NEK10: variants seen among roughly 807,000 people sequenced by gnomAD.
NEK10 encodes NIMA related kinase 10.
Under a neutral mutation model 159.8 loss-of-function variants are expected in NEK10, and 122 were observed. The observed-to-expected ratio is 0.76, with a 90% CI of 0.66 to 0.89. NEK10 has a LOEUF of 0.89. Ranked by LOEUF, NEK10 falls within the 40% of genes least tolerant of loss-of-function variation. NEK10 has a pLI of 0.00. For synonymous variants in NEK10, 466 were observed against 457.1 expected (o/e 1.02, Z -0.25); for missense variants, 1,342 against 1,323.1 (o/e 1.01, Z -0.22).
chr3:27,254,628 CG>C (rs36116267), intron 23 of NEK10, among the ~76,000 whole-genome samples: 6 of 151,826 alleles, frequency 4.0e-5, no homozygotes, highest in Non-Finnish European at 7.4e-5. Flanking sequence ...TCTAATAACT[CG>C]GAGAGATGAG....
chr3:27,116,637 A>C (rs1940482315), intron 33 of NEK10, among the ~76,000 whole-genome samples: 1 of 152,008 alleles, frequency 6.6e-6, no homozygotes, highest in African/African-American at 2.4e-5. Context: ...AAGACTTTTA[A>C]AATGTTTATT....
At chr3:27,132,136 T>C in intron 31 of NEK10, 146 bp from the exon 32 acceptor site, 1 of 427,764 alleles carries the variant, frequency 2.3e-6, no homozygotes, top group East Asian at 3.5e-5. Context: ...ATAGCATGAC[T>C]AGATGCTATA....
chr3:27,288,623 T>C (rs998598961), intron 19 of NEK10, among the ~76,000 whole-genome samples: 6 of 152,230 alleles, frequency 3.9e-5, no homozygotes, highest in African/African-American at 1.4e-4. Context: ...AATAAAGTCT[T>C]CCTCACCGTT....
chr3:27,190,998 CA>C (rs5847446), intron 26 of NEK10, among the ~76,000 whole-genome samples: 39 of 152,166 alleles, frequency 2.6e-4, no homozygotes, highest in Non-Finnish European at 4.4e-4. Context: ...GCATTTAAGG[CA>C]ATGAAGATGA....
intron 13 of NEK10, among the ~76,000 whole-genome samples, chr3:27,297,597 G>T (rs2043450864): frequency 6.6e-6 from 1 of 152,104 alleles, no homozygotes; most frequent in African/African-American, 2.4e-5. Flanking sequence ...TATCTATAAT[G>T]GTTGATAAAT....
At chr3:27,204,039 C>T (rs1177203915) in intron 23 of NEK10, among the ~76,000 whole-genome samples, 2 of 152,092 alleles carry the variant, frequency 1.3e-5, no homozygotes, top group Non-Finnish European at 2.9e-5. Context: ...ATGCTCAACA[C>T]AGAAAATGTC....
At position 27,256,344 on chromosome 3, in the gene NEK10, T is replaced by G; in HGVS notation, c.2042A>C (p.Gln681Pro). 6.3e-7 allele frequency: 1 copy of G among 1,575,278 alleles called. No homozygotes were observed. ...CACAGAGGTGAGTTTACTGTTTTCT[T>G]GTTTTTGCTTTGCCAGGCCAAAGTC... is the stretch of plus-strand genomic sequence containing the variant. ...VTDFGLAKQK[Q>P]ENSKLTSVVG... is the part of the protein sequence containing the mutation. The change falls in exon 23 of 36, where the codon CAA (glutamine) becomes CCA (proline). Residue 681 changes from glutamine to proline, a missense_variant. Coordinates refer to ENST00000691995, the MANE Select transcript of NEK10 (RefSeq NM_001394966.1).
rs142836850 is a variant in NEK10 at position 27,148,872 on chromosome 3, A to C, written c.2870-7290T>G. ...ATATGCAATTTGGATTTAGGCTTGA[A>C]TTGGAACCACCAGTAACTCTTGTGA... On this transcript the variant is annotated intron_variant, in intron 30 of 35. Transcript: ENST00000691995. 8.0e-3 allele frequency among the ~76,000 whole-genome samples: 1,221 copies of C among 152,154 alleles called. 10 individuals carry two copies. Among genetic ancestry groups the C allele is most frequent in the Non-Finnish European group, 0.013 (883 of 68,006 alleles).
At chr3:27,234,845 T>C (rs1488261423) in intron 23 of NEK10, among the ~76,000 whole-genome samples, 2 of 151,996 alleles carry the variant, frequency 1.3e-5, no homozygotes, top group African/African-American at 2.4e-5. Context: ...GCAGGTATCA[T>C]GTTACCTGAC....
chr3:27,216,769 G>A (rs1377349345), intron 23 of NEK10, among the ~76,000 whole-genome samples: 3 of 152,256 alleles, frequency 2.0e-5, no homozygotes, highest in South Asian at 2.1e-4. Flanking sequence ...AATGCCTCAC[G>A]GAGCAGAGAT....
chr3:27,314,661 T>C (rs1198913802), intron 6 of NEK10, among the ~76,000 whole-genome samples: 1 of 152,196 alleles, frequency 6.6e-6, no homozygotes, highest in Non-Finnish European at 1.5e-5. Context: ...TTTCATTCAA[T>C]ATTCTCATGT....
intron 23 of NEK10, among the ~76,000 whole-genome samples, chr3:27,252,650 G>A (rs1476050203): frequency 2.0e-5 from 3 of 152,134 alleles, no homozygotes; most frequent in Non-Finnish European, 4.4e-5. Flanking sequence ...AGTACATAGA[G>A]TGTGTAGATC....
chr3:27,318,681 A>G (rs992913336), intron 6 of NEK10, among the ~76,000 whole-genome samples: 3 of 152,222 alleles, frequency 2.0e-5, no homozygotes, highest in African/African-American at 7.2e-5. Flanking sequence ...TGTTGAAGAT[A>G]GCTTTGATCT....
At chr3:27,310,814 T>C (rs1575689848) in intron 9 of NEK10, 135 bp downstream of exon 9, 3 of 531,026 alleles carry the variant, frequency 5.6e-6, no homozygotes, top group East Asian at 6.0e-5. Flanking sequence ...TTGACAAAGA[T>C]CCACAATCTC....
intron 5 of NEK10, among the ~76,000 whole-genome samples, chr3:27,333,493 C>A (rs1402363537): frequency 1.3e-5 from 2 of 151,888 alleles, no homozygotes; most frequent in South Asian, 2.1e-4. Flanking sequence ...TCGCAGTGAG[C>A]CCAGATCGCA....
intron 22 of NEK10, among the ~76,000 whole-genome samples, chr3:27,267,664 A>T (rs1466185294): frequency 6.6e-6 from 1 of 152,218 alleles, no homozygotes; most frequent in Non-Finnish European, 1.5e-5. Context: ...CCTGACTGCT[A>T]CATTGACTGG....
Position 27,352,488 on chromosome 3 carries a change from T to C in NEK10, c.109A>G (p.Asn37Asp). Reference protein sequence around the residue: ...SDLKRLRCLLNVQSSKQQLPA... With the variant: ...SDLKRLRCLLDVQSSKQQLPA... The stretch of plus-strand genomic sequence containing the variant: ...ACCTGTTGTTTGCTTGATTGGACGT[T>C]CAAAAGGCACCGAAGTCTTTTAAGA... The change falls in exon 3 of 36, where the codon AAC becomes GAC. Residue 37 changes from asparagine (N) to aspartate (D), a missense_variant. Transcript: ENST00000691995. 3 of 1,611,820 alleles carry C rather than the reference T, an allele frequency of 1.9e-6. No individual in the cohort carries two copies. Among genetic ancestry groups the C allele is most frequent in the Non-Finnish European group, 2.5e-6 (3 of 1,178,082 alleles).
At chr3:27,331,183 A>T (rs946235244) in intron 5 of NEK10, among the ~76,000 whole-genome samples, 16 of 141,954 alleles carry the variant, frequency 1.1e-4, no homozygotes, top group African/African-American at 4.1e-4. Context: ...GGTTGCAGTG[A>T]GCTGAGATCA....
intron 5 of NEK10, among the ~76,000 whole-genome samples, chr3:27,326,185 T>C (rs1559505128): frequency 6.6e-6 from 1 of 152,196 alleles, no homozygotes; most frequent in Non-Finnish European, 1.5e-5. Context: ...AAGCTCCTAA[T>C]ACAGAGAGGA....
Sources: gnomAD v4.1 joint callset for allele counts (sites outside exome capture counted in the v4.1 genomes callset) on GRCh38, gnomAD v4.1.1 for gene constraint, MANE v1.5 for transcripts, NCBI Gene and HGNC (gene_info 2026-07-23, HGNC 2026-07-21) for gene names.